The following DPP10 variants were observed in gnomAD, a reference collection of about 807,000 sequenced individuals.
DPP10 encodes the protein dipeptidyl peptidase like 10, also known as inactive dipeptidyl peptidase 10.
A neutral mutation model predicts 120.9 loss-of-function variants in DPP10; 33 were observed. That is an observed-to-expected ratio of 0.27 (90% confidence interval 0.21 to 0.37). DPP10 has a LOEUF of 0.37. Among genes scored for constraint, DPP10 ranks in the 10% least tolerant of loss-of-function variants. DPP10 has a pLI of 1.00. For synonymous variants in DPP10, 337 were observed against 326.1 expected, an observed-to-expected ratio of 1.03 and a Z score of -0.36; for missense variants, 816 against 942.8, an observed-to-expected ratio of 0.87 and a Z score of 1.76.
intron 3 of DPP10, among the ~76,000 whole-genome samples, chr2:115,445,263 TAAGAAATTTGTAC>T (rs1293649357): frequency 3.9e-5 from 6 of 152,146 alleles, no homozygotes; most frequent in African/African-American, 1.4e-4. Context: ...CAGACTAATA[TAAGAAATTTGTAC>T]CAGAAGTGGG....
intron 1 of DPP10, among the ~76,000 whole-genome samples, chr2:114,877,497 A>G (rs1383369823): frequency 2.0e-5 from 3 of 152,046 alleles, no homozygotes; most frequent in East Asian, 3.9e-4. Context: ...TAACATAGTG[A>G]CATTGAACTC....
chr2:114,532,161 C>A (rs1686044276), intron 1 of DPP10, among the ~76,000 whole-genome samples: 1 of 150,518 alleles, frequency 6.6e-6, no homozygotes, highest in African/African-American at 2.5e-5. Flanking sequence ...CTGAGTTACA[C>A]CACCAGCTTT....
chr2:114,925,210 CAAAA>C lies in DPP10; in HGVS notation c.61-384010_61-384007del, dbSNP rs66986816. Among the ~76,000 whole-genome samples the C allele has an allele frequency of 7.0e-3, 735 of 104,792 alleles. 3 individuals carry two copies. Among genetic ancestry groups the C allele is most frequent in the East Asian group, 0.031 (117 of 3,736 alleles). The allele number at this position is 104,792 out of a possible 152,430, so 68.7% of individuals were successfully genotyped here. On this transcript the variant is annotated intron_variant, in intron 1 of 25. Transcript: ENST00000410059. The stretch of plus-strand genomic sequence containing the variant: ...TGGGCAACAGAGCAAGACTCTGTCT[CAAAA>C]AAAAAAAAAAAAAAAAAATCAGTCA...
chr2:115,380,877 G>C (rs2066276916), intron 3 of DPP10, among the ~76,000 whole-genome samples: 1 of 152,008 alleles, frequency 6.6e-6, no homozygotes, highest in Non-Finnish European at 1.5e-5. Flanking sequence ...GTTGAATATT[G>C]GCCCCCACTC....
chr2:115,712,064 AG>A (rs1253667999), intron 7 of DPP10, among the ~76,000 whole-genome samples: 1 of 151,418 alleles, frequency 6.6e-6, no homozygotes, highest in African/African-American at 2.4e-5. Context: ...GAGATTTAAG[AG>A]CATTACATTT....
intron 1 of DPP10, among the ~76,000 whole-genome samples, chr2:114,649,435 G>A (rs990351928): frequency 1.3e-5 from 2 of 150,738 alleles, no homozygotes; most frequent in South Asian, 4.2e-4. Flanking sequence ...TGCAACCTCC[G>A]CCTCCCGGGT....
At chr2:115,365,615 A>G (rs975729268) in intron 3 of DPP10, among the ~76,000 whole-genome samples, 5 of 152,052 alleles carry the variant, frequency 3.3e-5, no homozygotes, top group Admixed American at 6.6e-5. Context: ...TACAATGGCA[A>G]TTAATTCTGG....
intron 1 of DPP10, among the ~76,000 whole-genome samples, chr2:115,255,169 AG>A (rs2058928981): frequency 6.6e-6 from 1 of 152,214 alleles, no homozygotes. Flanking sequence ...ATCTAGGCGG[AG>A]GTTCCCAAAT....
chr2:114,757,932 G>C (rs1481201444), intron 1 of DPP10, among the ~76,000 whole-genome samples: 1 of 152,082 alleles, frequency 6.6e-6, no homozygotes, highest in East Asian at 1.9e-4. Context: ...CACAAATACA[G>C]TCCTGTGGAG....
intron 1 of DPP10, among the ~76,000 whole-genome samples, chr2:114,765,933 G>A (rs1207316329): frequency 6.6e-6 from 1 of 151,696 alleles, no homozygotes; most frequent in East Asian, 1.9e-4. Flanking sequence ...TGCCTCTCAG[G>A]GGTCATACAG....
chr2:115,120,838 T>C (rs750507858), intron 1 of DPP10, among the ~76,000 whole-genome samples: 1 of 152,234 alleles, frequency 6.6e-6, no homozygotes. Flanking sequence ...ACTTCTCATA[T>C]AAAATCTATT....
intron 1 of DPP10, among the ~76,000 whole-genome samples, chr2:114,797,154 T>A (rs946522764): frequency 6.6e-6 from 1 of 152,184 alleles, no homozygotes; most frequent in African/African-American, 2.4e-5. Flanking sequence ...AATTTTAACT[T>A]TCAAGATTAA....
At chr2:114,635,223 G>A (rs1695222013) in intron 1 of DPP10, among the ~76,000 whole-genome samples, 1 of 151,624 alleles carries the variant, frequency 6.6e-6, no homozygotes, top group Non-Finnish European at 1.5e-5. Flanking sequence ...TTTGAACCAT[G>A]CAGAGGTTGA....
intron 1 of DPP10, among the ~76,000 whole-genome samples, chr2:114,616,201 A>G (rs183139254): frequency 8.9e-4 from 135 of 152,174 alleles, no homozygotes; most frequent in Middle Eastern, 3.4e-3. Context: ...TTACACATGA[A>G]TTGTCTTTAC....
At chr2:115,373,727 A>C (rs574833283) in intron 3 of DPP10, among the ~76,000 whole-genome samples, 3 of 151,974 alleles carry the variant, frequency 2.0e-5, no homozygotes, top group Non-Finnish European at 2.9e-5. Context: ...TGTTGCTACA[A>C]ATAACCACCT....
At chr2:115,113,354 G>GC (rs1463684831) in intron 1 of DPP10, among the ~76,000 whole-genome samples, 2 of 151,284 alleles carry the variant, frequency 1.3e-5, no homozygotes, top group African/African-American at 4.9e-5. Context: ...TGGTTCTTTT[G>GC]CCCCCAAATG....
chr2:114,687,131 A>G (rs1699425051), intron 1 of DPP10, among the ~76,000 whole-genome samples: 2 of 152,100 alleles, frequency 1.3e-5, no homozygotes, highest in South Asian at 4.1e-4. Context: ...GTTGAAGAAA[A>G]TAATATATGC....
chr2:114,576,021 T>C (rs1690020934), intron 1 of DPP10, among the ~76,000 whole-genome samples: 1 of 152,210 alleles, frequency 6.6e-6, no homozygotes, highest in South Asian at 2.1e-4. Context: ...ACCACTACAA[T>C]TGTTCAGGAT....
intron 1 of DPP10, among the ~76,000 whole-genome samples, chr2:114,493,589 G>A (rs887852781): frequency 3.3e-5 from 5 of 151,774 alleles, no homozygotes; most frequent in Middle Eastern, 3.4e-3. Context: ...ATGGGGCATG[G>A]GATGCAATGA....
Sources: allele counts gnomAD v4.1 joint callset (sites outside exome capture counted in the v4.1 genomes callset), GRCh38; gene constraint gnomAD v4.1.1; transcripts MANE v1.5; gene names NCBI Gene and HGNC (gene_info 2026-07-23, HGNC 2026-07-21).